Variants in EP300 observed in about 807,000 individuals in gnomAD.
EP300 encodes EP300 lysine acetyltransferase, also known as histone acetyltransferase p300.
A neutral mutation model predicts 264.0 loss-of-function variants in EP300; 31 were observed. The ratio of observed to expected loss-of-function variants is 0.12; its 90% CI spans 0.09 to 0.16. EP300 has a LOEUF of 0.16. Ranked by LOEUF, EP300 falls within the 10% of genes least tolerant of loss-of-function variation. EP300 has a pLI of 1.00. For synonymous variants in EP300, 1,340 were observed against 1,045.4 expected, an observed-to-expected ratio of 1.28 and a Z score of -5.44; for missense variants, 2,766 against 3,052.9, an observed-to-expected ratio of 0.91 and a Z score of 2.21.
chr22:41,115,196 A>C (rs943331197), intron 1 of EP300, among the ~76,000 whole-genome samples: 2 of 152,226 alleles, frequency 1.3e-5, no homozygotes, highest in Admixed American at 1.3e-4. Flanking sequence ...TCAATAGGTC[A>C]ATCAGGAGTA....
At chr22:41,130,888 T>G (rs1051828106) in intron 5 of EP300, among the ~76,000 whole-genome samples, 46 of 152,114 alleles carry the variant, frequency 3.0e-4, no homozygotes, top group African/African-American at 1.1e-3. Context: ...AAATTTAAGC[T>G]TTTAGGGTTA....
intron 1 of EP300, among the ~76,000 whole-genome samples, chr22:41,094,577 G>GT (rs767714814): frequency 3.3e-5 from 5 of 152,078 alleles, no homozygotes; most frequent in Admixed American, 6.6e-5. Context: ...TTTTTAGCTG[G>GT]TTTTTTCCTT....
rs764405219 is a variant in EP300, at chr22:41,093,033, C to G, written c.29C>G (p.Pro10Arg). The G allele has an allele frequency of 2.5e-5, 41 of 1,614,058 alleles. No individual in the cohort carries two copies. Among genetic ancestry groups the G allele is most frequent in the Middle Eastern group, 3.3e-4 (2 of 6,062 alleles). MAENVVEPG[P>R]PSAKRPKLSS... The stretch of plus-strand genomic sequence containing the variant: ...GCCGAGAATGTGGTGGAACCGGGGC[C>G]GCCTTCAGCCAAGCGGCCTAAACTC... Residue 10 changes from proline (P) to arginine (R), a missense_variant, in exon 1 of 31, where the codon CCG (proline) becomes CGG (arginine). Coordinates refer to ENST00000263253, the MANE Select transcript of EP300 (RefSeq NM_001429.4).
At chr22:41,125,566 A>G (rs1357389005) in intron 2 of EP300, among the ~76,000 whole-genome samples, 3 of 151,892 alleles carry the variant, frequency 2.0e-5, no homozygotes, top group Non-Finnish European at 2.9e-5. Flanking sequence ...AGGCCCGGCC[A>G]CTTGGTTTTT....
In EP300 at chr22:41,151,954, C is replaced by T. The variant is rs774408703; in HGVS notation, c.2939C>T (p.Ala980Val). 1 of 1,614,122 alleles carries T rather than the reference C, an allele frequency of 6.2e-7. No homozygotes were observed. The highest frequency in any genetic ancestry group is 2.2e-5 in the East Asian group (1 of 44,888). The part of the protein sequence containing the change: ...KQPSQEVKME[A>V]KMEVDQPEPA... ...CCTTCCCAGGAAGTGAAGATGGAGG[C>T]CAAAATGGAAGTGGATCAACCAGAA... Residue 980 changes from alanine to valine, a missense_variant, in exon 15 of 31, where the codon GCC becomes GTC. By Grantham distance (64) the Ala-to-Val change is moderately conservative (BLOSUM62 0). Transcript: ENST00000263253.
chr22:41,174,487 G>A (rs2145773007), intron 29 of EP300: 1 of 152,230 alleles, frequency 6.6e-6, no homozygotes, highest in South Asian at 2.1e-4. Flanking sequence ...TCCACATATG[G>A]ACTTACAACC....
chr22:41,175,558 C>T (rs1394387535), intron 29 of EP300, among the ~76,000 whole-genome samples: 2 of 152,174 alleles, frequency 1.3e-5, no homozygotes, highest in Non-Finnish European at 2.9e-5. Flanking sequence ...TTATCCATTC[C>T]ATTCCCTTCC....
rs549162063 is a variant in EP300 at position 41,092,737 on chromosome 22, C to G, written c.-268C>G. 3 of 608,932 alleles carry G rather than the reference C, an allele frequency of 4.9e-6. No individual in the cohort carries two copies. Among genetic ancestry groups the G allele is most frequent in the East Asian group, 2.8e-5 (1 of 35,480 alleles). 37.7% of individuals were successfully genotyped at this position (608,932 alleles called of 1,614,324 possible). On this transcript the variant is annotated 5_prime_UTR_variant, in exon 1 of 31. Coordinates refer to ENST00000263253, the MANE Select transcript of EP300 (RefSeq NM_001429.4). ...GTTCTCGGGAATTCGCCGCAGCGGA[C>G]GCGCTCGGCGAATTTGTGCTCTTGT... is the stretch of plus-strand genomic sequence containing the variant.
chr22:41,128,684 TG>T (rs1401354253), intron 4 of EP300, among the ~76,000 whole-genome samples: 6 of 151,890 alleles, frequency 4.0e-5, no homozygotes, highest in Non-Finnish European at 8.8e-5. Flanking sequence ...GCTAATTTTT[TG>T]TATTTTTAGT....
rs886057578 is a variant in EP300 at position 41,179,876 on chromosome 22, C to CCACACACA, written c.*923_*924insACACACAC. 4.0e-4 allele frequency: 53 copies of CCACACACA among 131,496 alleles called. No individual in the cohort carries two copies. The highest frequency in any genetic ancestry group is 1.7e-3 in the African/African-American group (49 of 28,028). 8.1% of individuals were successfully genotyped at this position (131,496 alleles called of 1,614,324 possible). A position where few individuals can be genotyped will look rare whatever the true frequency, so the allele number is the denominator to read the frequency against. ...GCTTTCTTCCTCCTTACCCTACCCC[C>CCACACACA]CACTCACACACACACACACACACAC... On this transcript the variant is annotated 3_prime_UTR_variant, in exon 31 of 31. Transcript: ENST00000263253.
At chr22:41,093,729 C>T (rs2058687290) in intron 1 of EP300, among the ~76,000 whole-genome samples, 1 of 152,176 alleles carries the variant, frequency 6.6e-6, no homozygotes, top group Middle Eastern at 3.2e-3. Flanking sequence ...TCACATCTCC[C>T]AGTTCTTTGG....
Position 41,179,717 on chromosome 22 carries a change from T to G in EP300, c.*761T>G, listed in dbSNP as rs1485279330. ...CAAATTGATGTATTATATATTGTGG[T>G]TTCTGTTTCTTGAAAGAATTTTTTT... On this transcript the variant is annotated 3_prime_UTR_variant, in exon 31 of 31. Transcript: ENST00000263253. 2 of 229,998 alleles carry G rather than the reference T, an allele frequency of 8.7e-6. No individual in the cohort carries two copies. The highest frequency in any genetic ancestry group is 4.4e-5 in the African/African-American group (2 of 45,018). The allele number at this position is 229,998 out of a possible 1,614,324, so 14.2% of individuals were successfully genotyped here.
chr22:41,154,858 G>C, intron 16 of EP300, 137 bp from the exon 17 acceptor site: 2 of 691,210 alleles, frequency 2.9e-6, no homozygotes, highest in South Asian at 3.1e-5. Context: ...TGAGCCTGTA[G>C]TGATATTTCC....
intron 26 of EP300, 113 bp from the exon 27 acceptor site, chr22:41,170,293 T>C: frequency 9.8e-7 from 1 of 1,016,012 alleles, no homozygotes; most frequent in South Asian, 1.5e-5. Flanking sequence ...TACACTGTGT[T>C]ATCTTGGGAA....
chr22:41,114,929 C>T (rs1358404675), intron 1 of EP300, among the ~76,000 whole-genome samples: 7 of 151,770 alleles, frequency 4.6e-5, no homozygotes. Context: ...ATTTTGTCTT[C>T]AAGGGATGGT....
In EP300 at chr22:41,178,420, G is replaced by A. The variant is rs773772482; in HGVS notation, c.6709G>A (p.Gly2237Arg). 1.9e-6 allele frequency: 3 copies of A among 1,614,016 alleles called. No individual in the cohort carries two copies. ...MQHHMQQMQQGNMGQIGQLPQ... is the reference protein window; with the variant it reads ...MQHHMQQMQQRNMGQIGQLPQ... ...GCATCACATGCAACAGATGCAACAA[G>A]GAAATATGGGACAGATAGGCCAGCT... The change falls in exon 31 of 31, where the codon GGA (glycine) becomes AGA (arginine). Residue 2237 changes from glycine (G) to arginine (R), a missense_variant. Transcript: ENST00000263253.
intron 2 of EP300, among the ~76,000 whole-genome samples, chr22:41,119,118 T>C (rs1367136182): frequency 6.8e-6 from 1 of 146,932 alleles, no homozygotes; most frequent in Non-Finnish European, 1.5e-5. Context: ...TCTTCTCGCC[T>C]CAGCCTCCTG....
intron 1 of EP300, among the ~76,000 whole-genome samples, chr22:41,108,848 T>C (rs995217656): frequency 2.0e-5 from 3 of 152,226 alleles, no homozygotes; most frequent in African/African-American, 4.8e-5. Context: ...TTTGTGATAC[T>C]GTTTTTTAAT....
At chr22:41,152,504 A>T (rs2059052444) in intron 16 of EP300, among the ~76,000 whole-genome samples, 154 bp downstream of exon 16, 1 of 151,562 alleles carries the variant, frequency 6.6e-6, no homozygotes, top group Non-Finnish European at 1.5e-5. Flanking sequence ...TGTTACTAAT[A>T]ATTTTTCTTT....
Sources: allele counts gnomAD v4.1 joint callset (sites outside exome capture counted in the v4.1 genomes callset), GRCh38; gene constraint gnomAD v4.1.1; transcripts MANE v1.5; gene names NCBI Gene and HGNC (gene_info 2026-07-23, HGNC 2026-07-21).